The following ROR2 variants were observed in gnomAD, a reference collection of about 807,000 sequenced individuals.
The protein encoded by ROR2 is ROR family WNT receptor 2.
A neutral mutation model predicts 74.9 loss-of-function variants in ROR2; 33 were observed. The ratio of observed to expected loss-of-function variants is 0.44; its 90% confidence interval spans 0.33 to 0.59. ROR2 has a LOEUF of 0.59. Among genes scored for constraint, ROR2 ranks in the 20% least tolerant of loss-of-function variants. ROR2 has a pLI of 0.02. For synonymous variants in ROR2, 586 were observed against 558.7 expected (o/e 1.05, Z -0.69); for missense variants, 1,216 against 1,313.8 (o/e 0.93, Z 1.15).
At chr9:91,843,014 T>A (rs1435884252) in intron 1 of ROR2, among the ~76,000 whole-genome samples, 2 of 152,116 alleles carry the variant, frequency 1.3e-5, no homozygotes, top group Non-Finnish European at 2.9e-5. Context: ...CTCTTTACAT[T>A]TACAAACTAT....
At chr9:91,738,485 AT>A (rs1825111101) in intron 4 of ROR2, among the ~76,000 whole-genome samples, 1 of 152,186 alleles carries the variant, frequency 6.6e-6, no homozygotes, top group Admixed American at 6.5e-5. Context: ...CCCTTGAACT[AT>A]TTAATACATC....
At chr9:91,939,775 T>C (rs1831799815) in intron 1 of ROR2, among the ~76,000 whole-genome samples, 1 of 152,208 alleles carries the variant, frequency 6.6e-6, no homozygotes, top group South Asian at 2.1e-4. Flanking sequence ...GCATTAATAC[T>C]GCATTTGTTT....
intron 1 of ROR2, among the ~76,000 whole-genome samples, chr9:91,893,353 T>C (rs948436220): frequency 5.9e-5 from 9 of 151,950 alleles, no homozygotes; most frequent in African/African-American, 2.2e-4. Flanking sequence ...GGCAGGAGAA[T>C]TGCTTGAACC....
chr9:91,930,390 C>T (rs143990072), intron 1 of ROR2, among the ~76,000 whole-genome samples: 1 of 152,294 alleles, frequency 6.6e-6, no homozygotes, highest in East Asian at 1.9e-4. Context: ...CTCAGCCAGT[C>T]GGGATCAGCT....
At chr9:91,938,784 TC>T (rs1831771119) in intron 1 of ROR2, among the ~76,000 whole-genome samples, 1 of 152,184 alleles carries the variant, frequency 6.6e-6, no homozygotes, top group Non-Finnish European at 1.5e-5. Context: ...CATCAGTAGA[TC>T]CCCATATTGA....
chr9:91,818,543 T>C (rs1266046007), intron 1 of ROR2, among the ~76,000 whole-genome samples: 2 of 143,226 alleles, frequency 1.4e-5, no homozygotes, highest in East Asian at 4.5e-4. Flanking sequence ...TCAGGTGACA[T>C]GGCAATGTCT....
intron 5 of ROR2, among the ~76,000 whole-genome samples, chr9:91,734,646 T>G (rs1824961043): frequency 6.6e-6 from 1 of 152,136 alleles, no homozygotes; most frequent in African/African-American, 2.4e-5. Flanking sequence ...TTGTGCGTGA[T>G]CACTTTGTGG....
chr9:91,857,876 A>G (rs746602518), intron 1 of ROR2, among the ~76,000 whole-genome samples: 6 of 152,232 alleles, frequency 3.9e-5, no homozygotes, highest in Non-Finnish European at 8.8e-5. Flanking sequence ...TTTAATTATG[A>G]TAAAAGAGAG....
chr9:91,934,076 A>AGC (rs1831619596), intron 1 of ROR2, among the ~76,000 whole-genome samples: 1 of 152,184 alleles, frequency 6.6e-6, no homozygotes, highest in African/African-American at 2.4e-5. Flanking sequence ...TCAGGAATGA[A>AGC]GCATCAAGTC....
At chr9:91,825,737 T>G (rs1042295835) in intron 1 of ROR2, among the ~76,000 whole-genome samples, 1 of 152,072 alleles carries the variant, frequency 6.6e-6, no homozygotes, top group Non-Finnish European at 1.5e-5. Context: ...AACTATCACT[T>G]ATTTTGCTGG....
chr9:91,801,609 C>A (rs950730880), intron 1 of ROR2, among the ~76,000 whole-genome samples: 1 of 152,192 alleles, frequency 6.6e-6, no homozygotes, highest in African/African-American at 2.4e-5. Flanking sequence ...GGATTACCGG[C>A]GTGAGCCACA....
intron 1 of ROR2, among the ~76,000 whole-genome samples, chr9:91,930,278 A>C (rs775103512): frequency 7.9e-5 from 12 of 152,236 alleles, no homozygotes; most frequent in Non-Finnish European, 1.5e-4. Flanking sequence ...TTTGCTGTGC[A>C]AACTGCTAGA....
At chr9:91,804,655 T>G (rs1292364980) in intron 1 of ROR2, among the ~76,000 whole-genome samples, 1 of 152,218 alleles carries the variant, frequency 6.6e-6, no homozygotes, top group Non-Finnish European at 1.5e-5. Context: ...TGCCGGCTCC[T>G]GCCCAGGGCT....
At chr9:91,898,173 G>A (rs1430312671) in intron 1 of ROR2, among the ~76,000 whole-genome samples, 2 of 152,212 alleles carry the variant, frequency 1.3e-5, no homozygotes, top group Non-Finnish European at 1.5e-5. Context: ...TGAAGCATCC[G>A]TTATCTGGTT....
Position 91,858,134 on chromosome 9 carries a change from C to T in ROR2, c.98-82316G>A, listed in dbSNP as rs555493014. 4.6e-5 allele frequency among the ~76,000 whole-genome samples: 7 copies of T among 152,330 alleles called. No individual in the cohort carries two copies. In the South Asian group the frequency reaches 1.2e-3, roughly 27 times the overall value. On this transcript the variant is annotated intron_variant, in intron 1 of 8. Coordinates refer to ENST00000375708, the MANE Select transcript of ROR2 (RefSeq NM_004560.4). ...CACCTGGGGAACAAAGACCACGGTT[C>T]ACCAGGCTGTGCCCAAAGACAGGAC...
At chr9:91,873,777 G>A (rs891634043) in intron 1 of ROR2, among the ~76,000 whole-genome samples, 1 of 152,152 alleles carries the variant, frequency 6.6e-6, no homozygotes, top group African/African-American at 2.4e-5. Context: ...TTTATCCAGC[G>A]CCGAGCAGCT....
At chr9:91,839,327 T>C (rs75925420) in intron 1 of ROR2, among the ~76,000 whole-genome samples, 5,438 of 148,628 alleles carry the variant, frequency 0.037, 149 homozygotes, top group East Asian at 0.096. Context: ...TGTGTATATG[T>C]GTGGTGTATG....
chr9:91,909,847 G>GTTTTTTTTTTTT (rs71362365), intron 1 of ROR2, among the ~76,000 whole-genome samples: 1,022 of 53,640 alleles, frequency 0.019, 34 homozygotes, highest in Non-Finnish European at 0.026. Flanking sequence ...GGTTTGTTTT[G>GTTTTTTTTTTTT]TTTTTTTTTT....
chr9:91,925,490 G>A (rs7875439), intron 1 of ROR2, among the ~76,000 whole-genome samples: 34,759 of 151,820 alleles, frequency 0.23, 4,220 homozygotes, highest in Admixed American at 0.31. Flanking sequence ...GTGTGTGTGT[G>A]TGTGTGTGCA....
Sources: allele counts gnomAD v4.1 joint callset (sites outside exome capture counted in the v4.1 genomes callset), GRCh38; gene constraint gnomAD v4.1.1; transcripts MANE v1.5; gene names NCBI Gene and HGNC (gene_info 2026-07-23, HGNC 2026-07-21).